ZDHHC17: variants seen among roughly 807,000 people sequenced by gnomAD.
The protein encoded by ZDHHC17 is palmitoyltransferase ZDHHC17.
A neutral mutation model predicts 90.3 loss-of-function variants in ZDHHC17; 40 were observed. The ratio of observed to expected loss-of-function variants is 0.44; its 90% CI spans 0.34 to 0.58. The LOEUF (loss-of-function observed/expected upper bound fraction) is 0.58, where lower values mean the gene tolerates loss of function less well. Among genes scored for constraint, ZDHHC17 ranks in the 20% least tolerant of loss-of-function variants. The probability of loss-of-function intolerance (pLI) is 0.01; values close to 1 mark genes in which losing one functional copy is unlikely to be tolerated. For missense variants in ZDHHC17, 614 were observed against 780.8 expected (o/e 0.79, Z 2.55); for synonymous variants, 235 against 252.4 (o/e 0.93, Z 0.65).
At chr12:76,847,722 G>A (rs1953512268) in intron 14 of ZDHHC17, among the ~76,000 whole-genome samples, 1 of 152,158 alleles carries the variant, frequency 6.6e-6, no homozygotes, top group Admixed American at 6.5e-5. Context: ...GCCCGGTGTG[G>A]TAGCGCATGC....
chr12:76,815,839 T>C lies in ZDHHC17; in HGVS notation c.609-18T>C. 6.8e-7 allele frequency: 1 copy of C among 1,468,512 alleles called. No individual in the cohort carries two copies. The allele number at this position is 1,468,512 out of a possible 1,614,324, so 91.0% of individuals were successfully genotyped here. A position where few individuals can be genotyped will look rare whatever the true frequency, so the allele number is the denominator to read the frequency against. On this transcript the variant is annotated intron_variant, in intron 6 of 16. Coordinates refer to ENST00000426126, the MANE Select transcript of ZDHHC17 (RefSeq NM_015336.4). Reference sequence around the variant, plus strand: ...AGGGTTGTTGTTGTTGTTTGTTTTTTTTTTTTTTCCTTTTCAGTGTGGATC... The same window carrying C: ...AGGGTTGTTGTTGTTGTTTGTTTTTCTTTTTTTTCCTTTTCAGTGTGGATC...
At chr12:76,771,786 T>C (rs1952495130) in intron 1 of ZDHHC17, among the ~76,000 whole-genome samples, 1 of 152,180 alleles carries the variant, frequency 6.6e-6, no homozygotes, top group South Asian at 2.1e-4. Flanking sequence ...AGAAGTTTCT[T>C]GTTGTGTAAG....
chr12:76,815,733 T>C (rs1321772786), intron 6 of ZDHHC17, 124 bp from the exon 7 acceptor site: 1 of 897,490 alleles, frequency 1.1e-6, no homozygotes, highest in Non-Finnish European at 1.5e-6. Context: ...AGTTGTTGAG[T>C]AGGTTAGAAG....
chr12:76,797,554 A>T lies in ZDHHC17; in HGVS notation c.197+17A>T. 2 of 1,554,864 alleles carry T rather than the reference A, an allele frequency of 1.3e-6. No homozygotes were observed. The highest frequency in any genetic ancestry group is 8.7e-7 in the Non-Finnish European group (1 of 1,148,110). On this transcript the variant is annotated intron_variant, in intron 2 of 16. Coordinates refer to ENST00000426126, the MANE Select transcript of ZDHHC17 (RefSeq NM_015336.4). ...GGCTACACAGTAAGGTTTTTGTTGT[A>T]GTTGTTTTCTTTGGCATGTGTATTT...
In ZDHHC17 at chr12:76,850,915, T is replaced by C. The variant is rs780624620; in HGVS notation, c.1829T>C (p.Ile610Thr). ...FRCCGLFRPV[I>T]VDWTRQYTIE... ...TGCTGTGGCCTCTTTCGTCCTGTTA[T>C]CGTGGACTGGACCAGGCAGTATACA... The change falls in exon 17 of 17, where the codon ATC becomes ACC. Residue 610 changes from isoleucine to threonine, a missense_variant. Transcript: ENST00000426126. The C allele has an allele frequency of 4.3e-6, 7 of 1,614,008 alleles. No homozygotes were observed. In the East Asian group the frequency reaches 8.9e-5, roughly 21 times the overall value.
At chr12:76,820,729 T>C (rs1279752203) in intron 7 of ZDHHC17, among the ~76,000 whole-genome samples, 1 of 152,266 alleles carries the variant, frequency 6.6e-6, no homozygotes, top group East Asian at 1.9e-4. Flanking sequence ...CAACCTTACG[T>C]AGGTGAAATG....
intron 1 of ZDHHC17, among the ~76,000 whole-genome samples, chr12:76,791,702 A>G (rs937844650): frequency 2.0e-5 from 3 of 152,158 alleles, no homozygotes; most frequent in African/African-American, 4.8e-5. Flanking sequence ...CAACAAGTCA[A>G]GGGCTCAGTC....
intron 7 of ZDHHC17, among the ~76,000 whole-genome samples, chr12:76,820,905 T>C (rs560900790): frequency 1.8e-4 from 27 of 152,312 alleles, no homozygotes; most frequent in African/African-American, 5.5e-4. Context: ...CAAATAGATA[T>C]AGACTTAACT....
chr12:76,846,762 A>C (rs1453495395), intron 14 of ZDHHC17, 83 bp downstream of exon 14: 1 of 1,226,386 alleles, frequency 8.2e-7, no homozygotes, highest in African/African-American at 1.5e-5. Flanking sequence ...AATTACTATA[A>C]TGACAAAGGT....
chr12:76,785,914 C>T (rs1952678855), intron 1 of ZDHHC17, among the ~76,000 whole-genome samples: 1 of 152,134 alleles, frequency 6.6e-6, no homozygotes, highest in African/African-American at 2.4e-5. Context: ...AATGTCCTCT[C>T]TTTACCCTTA....
intron 10 of ZDHHC17, among the ~76,000 whole-genome samples, chr12:76,832,031 C>T (rs962363032): frequency 3.9e-5 from 6 of 152,118 alleles, no homozygotes; most frequent in African/African-American, 7.2e-5. Context: ...CCCAATTATG[C>T]GAGGAAAACT....
At chr12:76,796,747 T>G (rs1952823965) in intron 1 of ZDHHC17, among the ~76,000 whole-genome samples, 1 of 152,088 alleles carries the variant, frequency 6.6e-6, no homozygotes, top group Non-Finnish European at 1.5e-5. Flanking sequence ...GTAGTGCATG[T>G]GATGAAGGTT....
intron 1 of ZDHHC17, among the ~76,000 whole-genome samples, chr12:76,784,526 C>G (rs1420304277): frequency 6.6e-6 from 1 of 152,140 alleles, no homozygotes; most frequent in Non-Finnish European, 1.5e-5. Flanking sequence ...CCATCGACAT[C>G]AATTTGTGAG....
In ZDHHC17 at chr12:76,849,415, G is replaced by T; in HGVS notation, c.1705G>T (p.Ala569Ser). The T allele has an allele frequency of 1.9e-6, 3 of 1,552,840 alleles. No individual in the cohort carries two copies. The highest frequency in any genetic ancestry group is 4.8e-5 in the East Asian group (2 of 41,914). ...LGITTNERMN[A>S]RRYKHFKVTT... is the part of the protein sequence containing the mutation. ...TATTACTACAAATGAAAGAATGAAT[G>T]CCAGGAGATACAAGCACTTTAAAGT... The change falls in exon 16 of 17, where the codon GCC (alanine) becomes TCC (serine). Residue 569 changes from alanine (A) to serine (S), a missense_variant. Coordinates refer to ENST00000426126, the MANE Select transcript of ZDHHC17 (RefSeq NM_015336.4).
At chr12:76,849,579 A>G in intron 16 of ZDHHC17, 109 bp downstream of exon 16, 1 of 640,600 alleles carries the variant, frequency 1.6e-6, no homozygotes, top group Non-Finnish European at 2.6e-6. Context: ...CCTTTTTAAG[A>G]TTTCTGTAGA....
intron 1 of ZDHHC17, among the ~76,000 whole-genome samples, chr12:76,768,563 G>C (rs1592454129): frequency 6.6e-6 from 1 of 152,250 alleles, no homozygotes; most frequent in African/African-American, 2.4e-5. Flanking sequence ...ATTCAAATAA[G>C]TACTGAATTA....
chr12:76,797,603 A>G, intron 2 of ZDHHC17, 66 bp downstream of exon 2: 1 of 1,267,054 alleles, frequency 7.9e-7, no homozygotes, highest in Non-Finnish European at 1.1e-6. Context: ...AATCTGAATA[A>G]CAGTCATATT....
At position 76,850,877 on chromosome 12, in the gene ZDHHC17, C is replaced by G; in HGVS notation, c.1791C>G (p.Phe597Leu). Residue 597 changes from phenylalanine to leucine, a missense_variant, in exon 17 of 17, where the codon TTC (phenylalanine) becomes TTG (leucine). This residue lies in a region of ZDHHC17 where 111 missense variants were observed against 179.8 expected (regional missense o/e 0.62). Coordinates refer to ENST00000426126, the MANE Select transcript of ZDHHC17 (RefSeq NM_015336.4). ...GATGTGTAAGAAATATTATAGACTTCTTTGAATTTCGATGCTGTGGCCTCT... is the reference window on the plus strand; with the variant it reads ...GATGTGTAAGAAATATTATAGACTTGTTTGAATTTCGATGCTGTGGCCTCT... The part of the protein sequence containing the change: ...NHGCVRNIID[F>L]FEFRCCGLFR... 2 of 1,613,894 alleles carry G rather than the reference C, an allele frequency of 1.2e-6. No individual in the cohort carries two copies. The highest frequency in any genetic ancestry group is 1.1e-5 in the South Asian group (1 of 91,074).
intron 1 of ZDHHC17, among the ~76,000 whole-genome samples, chr12:76,779,658 G>A (rs539198582): frequency 6.6e-6 from 1 of 152,146 alleles, no homozygotes; most frequent in Non-Finnish European, 1.5e-5. Flanking sequence ...CTTTCCCAGA[G>A]CAAAAGTTTT....
Sources: gnomAD v4.1 joint callset for allele counts (sites outside exome capture counted in the v4.1 genomes callset) on GRCh38, gnomAD v4.1.1 for gene constraint, gnomAD v4.1.1 regional missense constraint, MANE v1.5 for transcripts, NCBI Gene and HGNC (gene_info 2026-07-23, HGNC 2026-07-21) for gene names.